SUCNR1: variants seen among roughly 807,000 people sequenced by gnomAD.
The protein encoded by SUCNR1 is succinate receptor 1, also known as G-protein coupled receptor 91.
Under a neutral mutation model 2.4 loss-of-function variants are expected in SUCNR1, and 5 were observed. That is an observed-to-expected ratio of 2.07 (90% CI 1.08 to 4.36). The LOEUF is 4.36. Among genes scored for constraint, SUCNR1 ranks in the 30% most tolerant of loss-of-function variants. The pLI, the probability that SUCNR1 is intolerant of heterozygous loss-of-function variation, is 0.00. For missense variants in SUCNR1, 373 were observed against 399.2 expected (o/e 0.93, Z 0.56); for synonymous variants, 162 against 143.9 (o/e 1.13, Z -0.90).
chr3:151,880,361 T>C (rs1022054744), intron 2 of SUCNR1, among the ~76,000 whole-genome samples, 198 bp from the exon 3 acceptor site: 1 of 152,228 alleles, frequency 6.6e-6, no homozygotes, highest in Non-Finnish European at 1.5e-5. Context: ...ATTCAGCACA[T>C]AGTTGAAAGG....
At position 151,883,430 on chromosome 3, in the gene SUCNR1, A is replaced by T. The variant is rs1454113541; in HGVS notation, c.*1882A>T. On this transcript the variant is annotated 3_prime_UTR_variant, in exon 3 of 3. Transcript: ENST00000362032. ...GTCACAGGAATAGACTCTTTCTAAT[A>T]GTGCAGTGAAATATTTTTTCAAACC... 7.0e-6 allele frequency: 1 copy of T among 143,176 alleles called. No homozygotes were observed. Among genetic ancestry groups the T allele is most frequent in the South Asian group, 2.2e-4 (1 of 4,546 alleles). The allele number at this position is 143,176 out of a possible 1,614,324, so 8.9% of individuals were successfully genotyped here. A position where few individuals can be genotyped will look rare whatever the true frequency, so the allele number is the denominator to read the frequency against.
intron 1 of SUCNR1, among the ~76,000 whole-genome samples, chr3:151,878,175 G>A (rs144722546): frequency 1.7e-4 from 26 of 152,214 alleles, no homozygotes; most frequent in African/African-American, 5.8e-4. Context: ...ATGGGGTGTC[G>A]AGATGTCAAA....
intron 2 of SUCNR1, 63 bp from the exon 3 acceptor site, chr3:151,880,496 G>A (rs930801293): frequency 1.3e-5 from 16 of 1,189,770 alleles, no homozygotes; most frequent in Middle Eastern, 2.2e-4. Context: ...ATTATGTTCT[G>A]CACAGTTTTG....
Position 151,880,607 on chromosome 3 carries a change from G to C in SUCNR1, c.64G>C (p.Glu22Gln). The C allele has an allele frequency of 6.2e-7, 1 of 1,612,966 alleles. No individual in the cohort carries two copies. Among genetic ancestry groups the C allele is most frequent in the East Asian group, 2.2e-5 (1 of 44,892 alleles). The change falls in exon 3 of 3, where the codon GAA becomes CAA. Residue 22 changes from glutamate (E) to glutamine (Q), a missense_variant. Around this residue, in one of 3 missense-constraint regions of SUCNR1, gnomAD observed 184 missense variants for 162.2 expected, o/e 1.13. Transcript: ENST00000362032. The part of the protein sequence containing the change: ...KNWLAAEAAL[E>Q]KYYLSIFYGI... ...CTGGCTGGCAGCAGAGGCTGCCCTG[G>C]AAAAGTACTACCTTTCCATTTTTTA...
chr3:151,877,106 A>T (rs1320815934), intron 1 of SUCNR1, among the ~76,000 whole-genome samples: 1 of 152,158 alleles, frequency 6.6e-6, no homozygotes, highest in Non-Finnish European at 1.5e-5. Context: ...ATGGGCCAGG[A>T]ATCACAGGAC....
Position 151,880,729 on chromosome 3 carries a change from CTT to C in SUCNR1, c.188_189del (p.Phe63Ter). 1 of 1,614,084 alleles carries C rather than the reference CTT, an allele frequency of 6.2e-7. No individual in the cohort carries two copies. Among genetic ancestry groups the C allele is most frequent in the Non-Finnish European group, 8.5e-7 (1 of 1,179,956 alleles). On this transcript the variant is annotated frameshift_variant, in exon 3 of 3. Coordinates refer to ENST00000362032, the MANE Select transcript of SUCNR1 (RefSeq NM_033050.6). LOFTEE classifies it low-confidence loss of function (END_TRUNC). Reference protein sequence around the residue: ...KNWNSSNIYLFNLSVSDLAFL... With the variant: ...KNWNSSNIYLXNLSVSDLAFL... ...ACTGGAACAGCAGTAATATTTATCT[CTT>C]TAACCTCTCTGTCTCTGACTTAGCT...
In SUCNR1 at chr3:151,883,354, A is replaced by C. The variant is rs1718156602; in HGVS notation, c.*1806A>C. On this transcript the variant is annotated 3_prime_UTR_variant, in exon 3 of 3. Transcript: ENST00000362032. ...AATTTGTATTTTATGCATGAATTTT[A>C]CTTGTAAAGACAAAATTAAATTTGC... The C allele has an allele frequency of 6.6e-6, 1 of 151,164 alleles. No individual in the cohort carries two copies. The highest frequency in any genetic ancestry group is 1.5e-5 in the Non-Finnish European group (1 of 67,692). The allele number at this position is 151,164 out of a possible 1,614,324, so 9.4% of individuals were successfully genotyped here. A position where few individuals can be genotyped will look rare whatever the true frequency, so the allele number is the denominator to read the frequency against.
chr3:151,877,584 G>A (rs767842543), intron 1 of SUCNR1, among the ~76,000 whole-genome samples: 3 of 152,154 alleles, frequency 2.0e-5, no homozygotes, highest in Non-Finnish European at 4.4e-5. Flanking sequence ...CATTACTGGT[G>A]TTGAGTTTTA....
Position 151,880,928 on chromosome 3 carries a change from C to G in SUCNR1, c.385C>G (p.Arg129Gly), listed in dbSNP as rs776572730. The G allele has an allele frequency of 6.2e-7, 1 of 1,613,920 alleles. No individual in the cohort carries two copies. Among genetic ancestry groups the G allele is most frequent in the African/African-American group, 1.3e-5 (1 of 75,002 alleles). The change falls in exon 3 of 3, where the codon CGA becomes GGA. Residue 129 changes from arginine (R) to glycine (G), a missense_variant. Arg to Gly is a moderately radical substitution (Grantham distance 125). Coordinates refer to ENST00000362032, the MANE Select transcript of SUCNR1 (RefSeq NM_033050.6). Reference sequence around the variant, plus strand: ...ATACTTGATAATTAAGTATCCTTTCCGAGAACACCTTCTGCAAAAGAAAGA... The same window carrying G: ...ATACTTGATAATTAAGTATCCTTTCGGAGAACACCTTCTGCAAAAGAAAGA... ...DRYLIIKYPF[R>G]EHLLQKKEFA...
At chr3:151,877,204 T>C (rs1717949731) in intron 1 of SUCNR1, among the ~76,000 whole-genome samples, 1 of 152,030 alleles carries the variant, frequency 6.6e-6, no homozygotes, top group East Asian at 1.9e-4. Flanking sequence ...GAAAGGAAGA[T>C]GAATTAGGAG....
intron 1 of SUCNR1, among the ~76,000 whole-genome samples, chr3:151,875,010 G>A (rs961132860): frequency 2.0e-5 from 3 of 151,874 alleles, no homozygotes; most frequent in Non-Finnish European, 2.9e-5. Flanking sequence ...ATTTTCAAAA[G>A]GCTGAATATA....
Position 151,880,590 on chromosome 3 carries a change from C to T in SUCNR1, c.47C>T (p.Ala16Val). The T allele has an allele frequency of 6.2e-7, 1 of 1,609,476 alleles. No homozygotes were observed. The highest frequency in any genetic ancestry group is 8.5e-7 in the Non-Finnish European group (1 of 1,178,176). Reference sequence around the variant, plus strand: ...AATGCAACTTGCAAAAACTGGCTGGCAGCAGAGGCTGCCCTGGAAAAGTAC... The same window carrying T: ...AATGCAACTTGCAAAAACTGGCTGGTAGCAGAGGCTGCCCTGGAAAAGTAC... ...AWNATCKNWL[A>V]AEAALEKYYL... The change falls in exon 3 of 3, where the codon GCA becomes GTA. Residue 16 changes from alanine (A) to valine (V), a missense_variant. By Grantham distance (64) the Ala-to-Val change is moderately conservative. Around this residue, in one of 3 missense-constraint regions of SUCNR1, gnomAD observed 184 missense variants for 162.2 expected, o/e 1.13. Transcript: ENST00000362032.
chr3:151,880,302 T>C (rs1718048468), intron 2 of SUCNR1, among the ~76,000 whole-genome samples: 1 of 152,202 alleles, frequency 6.6e-6, no homozygotes, highest in Non-Finnish European at 1.5e-5. Flanking sequence ...TGTTAGAGAT[T>C]AGGAACTTTG....
intron 1 of SUCNR1, 56 bp from the exon 2 acceptor site, chr3:151,879,796 G>C: frequency 2.6e-6 from 2 of 781,078 alleles, no homozygotes; most frequent in South Asian, 5.5e-5. Flanking sequence ...ATGGAAACAA[G>C]TAAAAGCTTA....
In SUCNR1 at chr3:151,881,845, TGATCACTGGTCA is replaced by T. The variant is rs1321188154; in HGVS notation, c.*301_*312del. 4.1e-6 allele frequency: 1 copy of T among 246,314 alleles called. No homozygotes were observed. The highest frequency in any genetic ancestry group is 7.8e-6 in the Non-Finnish European group (1 of 127,844). The allele number at this position is 246,314 out of a possible 1,614,324, so 15.3% of individuals were successfully genotyped here. ...TATAAAGCAACAAGTTGTCTGCATTTGATCACTGGTCAGATTGTAAAAAAAAAAAAAATTGTT... is the reference window on the plus strand; with the variant it reads ...TATAAAGCAACAAGTTGTCTGCATTTGATTGTAAAAAAAAAAAAAATTGTT... On this transcript the variant is annotated 3_prime_UTR_variant, in exon 3 of 3. Transcript: ENST00000362032.
Position 151,881,581 on chromosome 3 carries a change from ATC to A in SUCNR1, c.*35_*36del. 1.3e-6 allele frequency: 2 copies of A among 1,543,172 alleles called. No homozygotes were observed. Among genetic ancestry groups the A allele is most frequent in the Non-Finnish European group, 1.7e-6 (2 of 1,152,448 alleles). On this transcript the variant is annotated 3_prime_UTR_variant, in exon 3 of 3. Transcript: ENST00000362032. ...GTGAAACAGATTGTTCTACAGATGA[ATC>A]TGTAAGCCAGTTACAGTTTGCCTTA...
chr3:151,879,635 T>C (rs935122170), intron 1 of SUCNR1, among the ~76,000 whole-genome samples: 15 of 152,188 alleles, frequency 9.9e-5, no homozygotes, highest in African/African-American at 1.9e-4. Flanking sequence ...TTACTGAGTC[T>C]GAGGCATGGC....
In SUCNR1 at chr3:151,883,465, CATATATATATATATATATATATATAT is replaced by C. The variant is rs57096358; in HGVS notation, c.*1932_*1957del. On this transcript the variant is annotated 3_prime_UTR_variant, in exon 3 of 3. Transcript: ENST00000362032. ...AATATTTTTTCAAACCATAAACTCACATATATATATATATATATATATATATATATATATATATATGTACCTTGTAA... is the reference window on the plus strand; with the variant it reads ...AATATTTTTTCAAACCATAAACTCACATATATATATATATGTACCTTGTAA... 34 of 80,408 alleles carry C rather than the reference CATATATATATATATATATATATATAT, an allele frequency of 4.2e-4. 1 individual carries two copies. The highest frequency in any genetic ancestry group is 1.3e-3 in the East Asian group (3 of 2,260). The allele number at this position is 80,408 out of a possible 1,614,324, so 5.0% of individuals were successfully genotyped here.
In SUCNR1 at chr3:151,880,823, C is replaced by T; in HGVS notation, c.280C>T (p.Leu94Phe). ...TGGAAACTGGATATATGGAGACGTG[C>T]TCTGCATAAGCAACCGATATGTGCT... is the stretch of plus-strand genomic sequence containing the variant. ...ANGNWIYGDV[L>F]CISNRYVLHA... is the part of the protein sequence containing the mutation. Residue 94 changes from leucine to phenylalanine, a missense_variant, in exon 3 of 3, where the codon CTC becomes TTC. Coordinates refer to ENST00000362032, the MANE Select transcript of SUCNR1 (RefSeq NM_033050.6). 4 of 1,614,148 alleles carry T rather than the reference C, an allele frequency of 2.5e-6. No individual in the cohort carries two copies. The South Asian group carries it at 3.3e-5, about 13-fold the overall frequency.
Sources: gnomAD v4.1 joint callset for allele counts (sites outside exome capture counted in the v4.1 genomes callset) on GRCh38, gnomAD v4.1.1 for gene constraint, gnomAD v4.1.1 regional missense constraint, MANE v1.5 for transcripts, NCBI Gene and HGNC (gene_info 2026-07-23, HGNC 2026-07-21) for gene names.